The following HIPK2 variants were observed in gnomAD, a reference collection of about 807,000 sequenced individuals.
HIPK2 encodes homeodomain-interacting protein kinase 2.
Under a neutral mutation model 113.7 loss-of-function variants are expected in HIPK2, and 27 were observed. The ratio of observed to expected loss-of-function variants is 0.24; its 90% confidence interval spans 0.17 to 0.33. The LOEUF (loss-of-function observed/expected upper bound fraction) is 0.33. Ranked by LOEUF, HIPK2 falls within the 10% of genes least tolerant of loss-of-function variation. The pLI, the probability that HIPK2 is intolerant of heterozygous loss-of-function variation, is 1.00. For missense variants in HIPK2, 1,257 were observed against 1,588.0 expected (o/e 0.79, Z 3.54); for synonymous variants, 631 against 642.2 (o/e 0.98, Z 0.26).
chr7:139,682,805 G>A (rs1191371683), intron 2 of HIPK2, among the ~76,000 whole-genome samples: 2 of 152,254 alleles, frequency 1.3e-5, no homozygotes, highest in Admixed American at 6.5e-5. Flanking sequence ...GAAGACTCCA[G>A]TCAGGACATG....
intron 1 of HIPK2, among the ~76,000 whole-genome samples, chr7:139,743,138 T>C (rs1179348570): frequency 2.6e-5 from 4 of 152,040 alleles, no homozygotes; most frequent in African/African-American, 9.7e-5. Context: ...AGAGGCTTTG[T>C]TGGGGAGGAA....
intron 1 of HIPK2, among the ~76,000 whole-genome samples, chr7:139,720,012 T>C (rs1421260220): frequency 6.6e-6 from 1 of 152,246 alleles, no homozygotes; most frequent in Admixed American, 6.5e-5. Flanking sequence ...GAGAACTCGA[T>C]ACATTTACAT....
intron 1 of HIPK2, among the ~76,000 whole-genome samples, chr7:139,725,959 C>A (rs1371698075): frequency 6.6e-6 from 1 of 152,150 alleles, no homozygotes; most frequent in Non-Finnish European, 1.5e-5. Flanking sequence ...AGTCCCACAC[C>A]AGCCAAAGGA....
intron 2 of HIPK2, among the ~76,000 whole-genome samples, chr7:139,655,037 G>A (rs1265926607): frequency 6.6e-6 from 1 of 152,120 alleles, no homozygotes; most frequent in Non-Finnish European, 1.5e-5. Flanking sequence ...AAGAGCAATA[G>A]AAAATAGCTA....
At chr7:139,580,890 T>C (rs997991051) in intron 13 of HIPK2, among the ~76,000 whole-genome samples, 2 of 152,340 alleles carry the variant, frequency 1.3e-5, no homozygotes, top group Middle Eastern at 3.4e-3. Flanking sequence ...GGTGTCATTA[T>C]TGAACTCTGT....
At chr7:139,736,283 G>C (rs893766071) in intron 1 of HIPK2, among the ~76,000 whole-genome samples, 4 of 152,218 alleles carry the variant, frequency 2.6e-5, no homozygotes, top group Admixed American at 1.3e-4. Context: ...CACAGGATCA[G>C]GTGACAGGAG....
intron 1 of HIPK2, among the ~76,000 whole-genome samples, chr7:139,750,029 T>C (rs1796255296): frequency 6.6e-6 from 1 of 152,234 alleles, no homozygotes; most frequent in South Asian, 2.1e-4. Flanking sequence ...CAGACCTGCC[T>C]CTGTCTATCT....
intron 2 of HIPK2, among the ~76,000 whole-genome samples, chr7:139,634,752 A>T (rs1035626916): frequency 7.4e-6 from 1 of 134,468 alleles, no homozygotes; most frequent in African/African-American, 3.0e-5. Context: ...ATCTTGGCTC[A>T]CTGCAACCTC....
chr7:139,585,081 G>A (rs2116559514), intron 12 of HIPK2, among the ~76,000 whole-genome samples: 1 of 152,338 alleles, frequency 6.6e-6, no homozygotes, highest in South Asian at 2.1e-4. Context: ...AAATGAATGT[G>A]CATCTATTTT....
rs529870991 is a variant in HIPK2, at chr7:139,722,544, A to G, written c.20-5529T>C. 2.6e-4 allele frequency among the ~76,000 whole-genome samples: 40 copies of G among 152,318 alleles called. No individual in the cohort carries two copies. In the South Asian group the frequency reaches 7.3e-3, roughly 28 times the overall value. On this transcript the variant is annotated intron_variant, in intron 1 of 14. Coordinates refer to ENST00000406875, the MANE Select transcript of HIPK2 (RefSeq NM_022740.5). ...AATTATAGATGCCATTTATGTCTAT[A>G]AAATGCTAGACTTGACTTCATCTGC...
intron 1 of HIPK2, among the ~76,000 whole-genome samples, chr7:139,727,532 C>G (rs917915462): frequency 6.6e-6 from 1 of 152,248 alleles, no homozygotes; most frequent in Non-Finnish European, 1.5e-5. Flanking sequence ...CTTTTCCTAA[C>G]ATTTGCAAAT....
intron 13 of HIPK2, 179 bp from the exon 14 acceptor site, chr7:139,575,467 G>GAGCCAGAGCCCCACT: frequency 4.2e-6 from 1 of 239,858 alleles, no homozygotes; most frequent in Non-Finnish European, 6.7e-6. Flanking sequence ...TGGATGCAGT[G>GAGCCAGAGCCCCACT]GGGCTCTGGC....
At position 139,639,524 on chromosome 7, in the gene HIPK2, C is replaced by T. The variant is rs563903648; in HGVS notation, c.1104-7799G>A. Among the ~76,000 whole-genome samples the T allele has an allele frequency of 9.9e-5, 15 of 152,238 alleles. No individual in the cohort carries two copies. In the East Asian group the frequency reaches 1.4e-3, roughly 14 times the overall value. On this transcript the variant is annotated intron_variant, in intron 2 of 14. Transcript: ENST00000406875. ...CCGTCTAGCCAAGGTAGCAGCATAG[C>T]GACATCTGACATACAATGTGTGAAG...
intron 12 of HIPK2, among the ~76,000 whole-genome samples, chr7:139,590,781 C>T (rs1207112429): frequency 6.6e-6 from 1 of 151,988 alleles, no homozygotes; most frequent in African/African-American, 2.4e-5. Flanking sequence ...TAGCTGCTGA[C>T]TTAGAGTCAT....
chr7:139,622,790 G>A (rs778844090), intron 6 of HIPK2, among the ~76,000 whole-genome samples: 2 of 152,180 alleles, frequency 1.3e-5, no homozygotes, highest in East Asian at 1.9e-4. Flanking sequence ...GGTGTGTTCA[G>A]AGACCCACCT....
chr7:139,596,595 A>T, intron 12 of HIPK2, 122 bp downstream of exon 12: 1 of 1,384,462 alleles, frequency 7.2e-7, no homozygotes, highest in Non-Finnish European at 9.8e-7. Context: ...TAGATGGCAA[A>T]ACCAAACTGT....
rs1795632889 is a variant in HIPK2 at position 139,727,919 on chromosome 7, A to G, written c.20-10904T>C. On this transcript the variant is annotated intron_variant, in intron 1 of 14. Transcript: ENST00000406875. The stretch of plus-strand genomic sequence containing the variant: ...AATTCAAAGAATCCTTTTTGAAACA[A>G]GAGTGGCATTGGCTAATTTTTTTTT... Among the ~76,000 whole-genome samples, 3 of 150,888 alleles carry G rather than the reference A, an allele frequency of 2.0e-5. No homozygotes were observed. In the Admixed American group the frequency reaches 2.0e-4, roughly 10 times the overall value.
At chr7:139,713,926 C>T (rs1409033163) in intron 2 of HIPK2, among the ~76,000 whole-genome samples, 1 of 152,220 alleles carries the variant, frequency 6.6e-6, no homozygotes, top group Admixed American at 6.5e-5. Flanking sequence ...GCACCCAACC[C>T]TCCAGATTCA....
intron 1 of HIPK2, among the ~76,000 whole-genome samples, chr7:139,769,473 C>T (rs1236066004): frequency 6.6e-6 from 1 of 152,220 alleles, no homozygotes. Flanking sequence ...ATTAGAACCC[C>T]TTTTAAACCT....
Sources: gnomAD v4.1 joint callset for allele counts (sites outside exome capture counted in the v4.1 genomes callset) on GRCh38, gnomAD v4.1.1 for gene constraint, MANE v1.5 for transcripts, NCBI Gene and HGNC (gene_info 2026-07-23, HGNC 2026-07-21) for gene names.